Variants in SHISA9 observed in about 807,000 individuals in gnomAD.
SHISA9 encodes shisa family member 9.
Under a neutral mutation model 38.0 loss-of-function variants are expected in SHISA9, and 13 were observed. That is an observed-to-expected ratio of 0.34 (90% CI 0.22 to 0.54). SHISA9 has a LOEUF of 0.54. Ranked by LOEUF, SHISA9 falls within the 20% of genes least tolerant of loss-of-function variation. The pLI, the probability that SHISA9 is intolerant of heterozygous loss-of-function variation, is 0.91. For synonymous variants in SHISA9, 275 were observed against 242.0 expected (o/e 1.14, Z -1.27); for missense variants, 538 against 575.8 (o/e 0.93, Z 0.67).
chr16:13,193,637 C>T (rs556061978), intron 2 of SHISA9, among the ~76,000 whole-genome samples: 5 of 152,318 alleles, frequency 3.3e-5, no homozygotes, highest in South Asian at 2.1e-4. Context: ...TGAGCCACCG[C>T]GCCTGGCCAA....
At chr16:13,116,770 C>T (rs1443176090) in intron 2 of SHISA9, among the ~76,000 whole-genome samples, 1 of 152,124 alleles carries the variant, frequency 6.6e-6, no homozygotes, top group African/African-American at 2.4e-5. Flanking sequence ...GATTACTGAA[C>T]AAAGGAGGTT....
At chr16:13,127,773 AGTT>A (rs2050274170) in intron 2 of SHISA9, among the ~76,000 whole-genome samples, 2 of 152,108 alleles carry the variant, frequency 1.3e-5, no homozygotes, top group African/African-American at 2.4e-5. Flanking sequence ...TATTTCACAC[AGTT>A]GTTGTGGGGA....
chr16:13,194,038 G>T (rs571977994), intron 2 of SHISA9, among the ~76,000 whole-genome samples: 1 of 152,198 alleles, frequency 6.6e-6, no homozygotes, highest in East Asian at 1.9e-4. Flanking sequence ...AACCCAAAGA[G>T]GGAAAGTCGG....
intron 2 of SHISA9, among the ~76,000 whole-genome samples, chr16:13,017,267 G>A (rs1031786066): frequency 2.0e-5 from 3 of 152,070 alleles, no homozygotes; most frequent in Non-Finnish European, 2.9e-5. Context: ...TGATCCGCCC[G>A]CCTTGGCCTC....
the SHISA9 span, among the ~76,000 whole-genome samples, chr16:13,275,159 G>C: frequency 6.6e-6 from 1 of 152,040 alleles, no homozygotes; most frequent in African/African-American, 2.4e-5. Flanking sequence ...TAACTGATGA[G>C]TTAGGTGTTC....
At chr16:13,457,993 C>T in the SHISA9 span, among the ~76,000 whole-genome samples, 1 of 150,936 alleles carries the variant, frequency 6.6e-6, no homozygotes, top group Non-Finnish European at 1.5e-5. Context: ...TCCTTTCTTC[C>T]TTCCTTCTTC....
At chr16:13,243,339 T>G (rs2051448894), downstream of SHISA9, among the ~76,000 whole-genome samples, 1 of 152,128 alleles carries the variant, frequency 6.6e-6, no homozygotes, top group Non-Finnish European at 1.5e-5. Flanking sequence ...CCAGGGTGGT[T>G]GGGGTGTACC....
chr16:13,445,058 T>C, the SHISA9 span, among the ~76,000 whole-genome samples: 1 of 147,238 alleles, frequency 6.8e-6, no homozygotes, highest in Non-Finnish European at 1.5e-5. Context: ...ACAGGGGTCT[T>C]GTCTTGTTGC....
At chr16:13,361,476 C>G in the SHISA9 span, among the ~76,000 whole-genome samples, 3 of 152,336 alleles carry the variant, frequency 2.0e-5, no homozygotes, top group East Asian at 5.8e-4. Context: ...ATTTTATGAG[C>G]TTTACAAGCT....
At chr16:13,262,217 A>G in the SHISA9 span, among the ~76,000 whole-genome samples, 2 of 152,184 alleles carry the variant, frequency 1.3e-5, no homozygotes, top group Admixed American at 6.5e-5. Context: ...ACCAGTCCTG[A>G]TATGCTCAGT....
the SHISA9 span, among the ~76,000 whole-genome samples, chr16:13,520,337 C>T: frequency 3.3e-5 from 5 of 152,132 alleles, no homozygotes; most frequent in East Asian, 1.9e-4. Context: ...TGGTGGCTCA[C>T]GCCTGTAATC....
At chr16:13,077,611 C>T (rs1463603524) in intron 2 of SHISA9, among the ~76,000 whole-genome samples, 2 of 152,156 alleles carry the variant, frequency 1.3e-5, no homozygotes, top group South Asian at 2.1e-4. Context: ...ATTTTCTCTG[C>T]CCAGGTGAGA....
At chr16:13,041,546 A>G (rs1164034982) in intron 2 of SHISA9, among the ~76,000 whole-genome samples, 1 of 152,220 alleles carries the variant, frequency 6.6e-6, no homozygotes, top group Non-Finnish European at 1.5e-5. Flanking sequence ...TTGGACTTGC[A>G]AACAAGGGGC....
At chr16:13,380,225 C>A in the SHISA9 span, among the ~76,000 whole-genome samples, 1 of 151,958 alleles carries the variant, frequency 6.6e-6, no homozygotes, top group South Asian at 2.1e-4. Flanking sequence ...GAAAAAATTC[C>A]GGGTTTGAAA....
intron 2 of SHISA9, among the ~76,000 whole-genome samples, chr16:13,067,204 G>A (rs2073445705): frequency 6.6e-6 from 1 of 152,196 alleles, no homozygotes; most frequent in Non-Finnish European, 1.5e-5. Context: ...TACTGGGTGT[G>A]GGATCTGGTC....
the SHISA9 span, among the ~76,000 whole-genome samples, chr16:13,358,088 C>T: frequency 1.3e-5 from 2 of 152,176 alleles, no homozygotes; most frequent in African/African-American, 4.8e-5. Context: ...GGTACGGCCT[C>T]CCTTGAAAAG....
the SHISA9 span, among the ~76,000 whole-genome samples, chr16:13,509,695 T>G: frequency 6.6e-6 from 1 of 152,186 alleles, no homozygotes; most frequent in Non-Finnish European, 1.5e-5. Flanking sequence ...TTTAAGAGAT[T>G]GCAATGAGAA....
intron 2 of SHISA9, among the ~76,000 whole-genome samples, chr16:13,091,698 G>A (rs572055345): frequency 1.6e-4 from 25 of 152,204 alleles, no homozygotes; most frequent in Admixed American, 5.2e-4. Context: ...TTAGCCATTC[G>A]TCTAATCTTT....
the SHISA9 span, among the ~76,000 whole-genome samples, chr16:13,558,923 G>A: frequency 1.3e-5 from 2 of 152,178 alleles, no homozygotes; most frequent in Non-Finnish European, 2.9e-5. Flanking sequence ...AAAGTGTCAC[G>A]AGTATTGATT....
Sources: allele counts gnomAD v4.1 joint callset (sites outside exome capture counted in the v4.1 genomes callset), GRCh38; gene constraint gnomAD v4.1.1; transcripts MANE v1.5; gene names NCBI Gene and HGNC (gene_info 2026-07-23, HGNC 2026-07-21).